NR2C1: variants seen among roughly 807,000 people sequenced by gnomAD.
The protein encoded by NR2C1 is nuclear receptor subfamily 2 group C member 1.
A neutral mutation model predicts 74.8 loss-of-function variants in NR2C1; 33 were observed. The observed-to-expected ratio is 0.44, with a 90% CI of 0.33 to 0.59. The LOEUF is 0.59. NR2C1 is among the 20% of genes least tolerant of loss of function. The probability of loss-of-function intolerance (pLI) is 0.02; values close to 1 mark genes in which losing one functional copy is unlikely to be tolerated. For missense variants in NR2C1, 568 were observed against 715.6 expected, an observed-to-expected ratio of 0.79 and a Z score of 2.35; for synonymous variants, 225 against 240.6, an observed-to-expected ratio of 0.94 and a Z score of 0.60.
At chr12:95,072,455 CAAAAAAAAA>C (rs570185714) in intron 1 of NR2C1, among the ~76,000 whole-genome samples, 9 of 60,282 alleles carry the variant, frequency 1.5e-4, no homozygotes, top group African/African-American at 5.3e-4. Context: ...CTCTCCCTCT[CAAAAAAAAA>C]AAAAAAAAAA....
Position 95,058,374 on chromosome 12 carries a change from G to A in NR2C1, c.480C>T (p.His160=). The change falls in exon 5 of 14, where the codon CAC becomes CAT. Residue 160 remains histidine, a synonymous_variant. Transcript: ENST00000333003. ...RGSKDCIINK[H]HRNRCQYCRL... ...TGCAGTATTGACAGCGGTTTCGGTG[G>A]TGCTTATTAATAATACAATCCTTTG... 6.2e-7 allele frequency: 1 copy of A among 1,613,618 alleles called. No homozygotes were observed. The highest frequency in any genetic ancestry group is 8.5e-7 in the Non-Finnish European group (1 of 1,179,964).
intron 12 of NR2C1, among the ~76,000 whole-genome samples, chr12:95,027,057 A>C (rs555696326): frequency 6.6e-6 from 1 of 152,046 alleles, no homozygotes; most frequent in Non-Finnish European, 1.5e-5. Context: ...CATTTTTTAC[A>C]TTTTCATTTA....
intron 3 of NR2C1, among the ~76,000 whole-genome samples, chr12:95,061,405 T>A (rs1452089387): frequency 1.3e-5 from 2 of 152,224 alleles, no homozygotes; most frequent in East Asian, 3.8e-4. Flanking sequence ...ATGGGAACTC[T>A]GTTCTATATG....
intron 1 of NR2C1, among the ~76,000 whole-genome samples, chr12:95,072,044 A>G (rs1253153172): frequency 1.4e-5 from 2 of 147,852 alleles, no homozygotes; most frequent in African/African-American, 4.9e-5. Flanking sequence ...CACCGCGCCC[A>G]GCCGCGACCC....
intron 10 of NR2C1, among the ~76,000 whole-genome samples, chr12:95,036,493 A>G (rs893341632): frequency 6.6e-6 from 1 of 151,732 alleles, no homozygotes; most frequent in Admixed American, 6.6e-5. Context: ...TCTAACTACT[A>G]CACTATATTG....
intron 2 of NR2C1, among the ~76,000 whole-genome samples, chr12:95,066,043 T>C (rs1019197666): frequency 6.6e-6 from 1 of 152,214 alleles, no homozygotes; most frequent in Admixed American, 6.5e-5. Context: ...GTACCCATTA[T>C]AACCTATTTC....
chr12:95,042,991 T>C (rs982649337), intron 9 of NR2C1, among the ~76,000 whole-genome samples: 1 of 143,492 alleles, frequency 7.0e-6, no homozygotes, highest in Non-Finnish European at 1.5e-5. Flanking sequence ...TAGCCAGGAG[T>C]GATGGCTCAC....
At chr12:95,028,332 A>G (rs35583) in intron 12 of NR2C1, 55 bp downstream of exon 12, 238,293 of 1,473,278 alleles carry the variant, frequency 0.16, 20,782 homozygotes, top group Non-Finnish European at 0.18. Flanking sequence ...GAGGGCTTCT[A>G]TTTCTCCACA....
intron 2 of NR2C1, among the ~76,000 whole-genome samples, chr12:95,064,827 C>T (rs1449267226): frequency 6.6e-6 from 1 of 152,160 alleles, no homozygotes. Flanking sequence ...TCCTTCTGTA[C>T]CAAATTTTTT....
rs1340985911 is a variant in NR2C1, at chr12:95,040,587, G to A, written c.1142C>T (p.Pro381Leu). 6 of 1,610,980 alleles carry A rather than the reference G, an allele frequency of 3.7e-6. No individual in the cohort carries two copies. The Admixed American group carries it at 5.0e-5, about 13-fold the overall frequency. The change falls in exon 10 of 14, where the codon CCT becomes CTT. Residue 381 changes from proline to leucine, a missense_variant. This residue lies in a region of NR2C1 where 39 missense variants were observed against 64.6 expected (regional missense o/e 0.60). Coordinates refer to ENST00000333003, the MANE Select transcript of NR2C1 (RefSeq NM_003297.4). ...DSHVAFRLTM[P>L]SPMPEYLNVH... ...ATTCAGGTACTCAGGCATAGGAGAA[G>A]GCATGGTGAGCTAGTATGAACAGGG...
At chr12:95,056,985 ACCT>A (rs1271013937) in intron 7 of NR2C1, among the ~76,000 whole-genome samples, 14 of 151,226 alleles carry the variant, frequency 9.3e-5, no homozygotes, top group Middle Eastern at 3.4e-3. Context: ...AGACTTTTAC[ACCT>A]ATAATAAATG....
intron 1 of NR2C1, chr12:95,072,862 G>A (rs1592811711): frequency 1.3e-5 from 2 of 152,398 alleles, no homozygotes; most frequent in Middle Eastern, 3.4e-3. Context: ...AAAGTGGGGG[G>A]AGTCATTCTG....
chr12:95,058,801 T>C (rs1289643823), intron 4 of NR2C1, among the ~76,000 whole-genome samples: 1 of 152,158 alleles, frequency 6.6e-6, no homozygotes, highest in Non-Finnish European at 1.5e-5. Context: ...GTTTTATTAT[T>C]ATTTTTTTTT....
chr12:95,044,361 G>A (rs371983461), intron 9 of NR2C1, among the ~76,000 whole-genome samples: 5 of 151,462 alleles, frequency 3.3e-5, no homozygotes, highest in Non-Finnish European at 5.9e-5. Flanking sequence ...TCCGCCTCCC[G>A]GGTTCAAGCA....
intron 9 of NR2C1, among the ~76,000 whole-genome samples, chr12:95,048,092 T>A (rs903479424): frequency 1.3e-5 from 2 of 152,212 alleles, no homozygotes; most frequent in African/African-American, 4.8e-5. Flanking sequence ...TTTTATTATG[T>A]AATTTTAATT....
intron 13 of NR2C1, among the ~76,000 whole-genome samples, chr12:95,024,879 G>C (rs1869162466): frequency 6.6e-6 from 1 of 152,082 alleles, no homozygotes; most frequent in Non-Finnish European, 1.5e-5. Flanking sequence ...AGACTACTTG[G>C]GTCACAGTCA....
At chr12:95,027,628 G>A (rs906612520) in intron 12 of NR2C1, among the ~76,000 whole-genome samples, 1 of 151,984 alleles carries the variant, frequency 6.6e-6, no homozygotes, top group African/African-American at 2.4e-5. Context: ...CCCAGCTACT[G>A]GGGAGGCTGA....
intron 4 of NR2C1, among the ~76,000 whole-genome samples, chr12:95,059,545 C>T (rs1874427052): frequency 6.6e-6 from 1 of 151,828 alleles, no homozygotes. Context: ...AACTCCATTT[C>T]CAATAAAAAT....
In NR2C1 at chr12:95,067,388, C is replaced by A. The variant is rs1395636488; in HGVS notation, c.-4G>T. ...CAATTTCTTCTATGGTTGCCATGATCTACCTGCCAAAAATAAAAAGATGTT... is the reference window on the plus strand; with the variant it reads ...CAATTTCTTCTATGGTTGCCATGATATACCTGCCAAAAATAAAAAGATGTT... On this transcript the variant is annotated 5_prime_UTR_variant, in exon 2 of 14. Transcript: ENST00000333003. 6.2e-7 allele frequency: 1 copy of A among 1,609,038 alleles called. No individual in the cohort carries two copies. The highest frequency in any genetic ancestry group is 1.3e-5 in the African/African-American group (1 of 74,816).
Sources: allele counts gnomAD v4.1 joint callset (sites outside exome capture counted in the v4.1 genomes callset), GRCh38; gene constraint gnomAD v4.1.1; regional missense constraint gnomAD v4.1.1; transcripts MANE v1.5; gene names NCBI Gene and HGNC (gene_info 2026-07-23, HGNC 2026-07-21).